Variants in VWA8 observed in about 807,000 individuals in gnomAD.
VWA8 encodes von Willebrand factor A domain containing 8.
Under a neutral mutation model 241.5 loss-of-function variants are expected in VWA8, and 221 were observed. The ratio of observed to expected loss-of-function variants is 0.91; its 90% CI spans 0.82 to 1.02. The LOEUF (loss-of-function observed/expected upper bound fraction) is 1.02. Ranked by LOEUF, VWA8 falls within the 50% of genes least tolerant of loss-of-function variation. VWA8 has a pLI of 0.00. For synonymous variants in VWA8, 852 were observed against 827.1 expected, an observed-to-expected ratio of 1.03 and a Z score of -0.52; for missense variants, 2,322 against 2,328.7, an observed-to-expected ratio of 1.00 and a Z score of 0.06.
At chr13:41,624,900 T>C (rs573760228) in intron 37 of VWA8, among the ~76,000 whole-genome samples, 1 of 152,216 alleles carries the variant, frequency 6.6e-6, no homozygotes, top group African/African-American at 2.4e-5. Context: ...TCCAATGATA[T>C]GATTCTATAC....
intron 21 of VWA8, among the ~76,000 whole-genome samples, chr13:41,740,667 C>T (rs1007949003): frequency 3.9e-5 from 6 of 152,198 alleles, no homozygotes; most frequent in African/African-American, 1.4e-4. Context: ...CATTTTCTGA[C>T]TCCTGCTGGT....
intron 17 of VWA8, among the ~76,000 whole-genome samples, chr13:41,798,751 CT>C (rs1328834129): frequency 6.6e-6 from 1 of 152,116 alleles, no homozygotes; most frequent in Non-Finnish European, 1.5e-5. Context: ...TTATTCTCTC[CT>C]CTTAAATTCC....
chr13:41,778,966 C>A (rs1179304428), intron 19 of VWA8, among the ~76,000 whole-genome samples: 7 of 149,748 alleles, frequency 4.7e-5, no homozygotes, highest in Non-Finnish European at 1.0e-4. Context: ...CTCAGCCTCC[C>A]GAGTAGCTGG....
intron 2 of VWA8, among the ~76,000 whole-genome samples, chr13:41,934,264 G>A (rs1406791451): frequency 6.6e-6 from 1 of 151,872 alleles, no homozygotes; most frequent in African/African-American, 2.4e-5. Flanking sequence ...AAATCACTGT[G>A]AGATACTACT....
At chr13:41,572,665 G>A (rs1002498700) in intron 43 of VWA8, among the ~76,000 whole-genome samples, 3 of 151,816 alleles carry the variant, frequency 2.0e-5, no homozygotes, top group Non-Finnish European at 2.9e-5. Flanking sequence ...GAGGAAGGCC[G>A]CAGGGTCCTC....
intron 21 of VWA8, among the ~76,000 whole-genome samples, chr13:41,746,542 G>C (rs1000163198): frequency 2.0e-5 from 3 of 152,132 alleles, no homozygotes. Context: ...TACCCAGCTG[G>C]GGAGGAACAT....
intron 43 of VWA8, 95 bp downstream of exon 43, chr13:41,575,645 T>G: frequency 1.2e-6 from 1 of 844,524 alleles, no homozygotes; most frequent in Non-Finnish European, 1.8e-6. Flanking sequence ...GTCTTTTTCT[T>G]TCCTGTGTAT....
At chr13:41,634,160 C>A (rs1024942241) in intron 37 of VWA8, among the ~76,000 whole-genome samples, 1 of 152,128 alleles carries the variant, frequency 6.6e-6, no homozygotes, top group East Asian at 1.9e-4. Flanking sequence ...GAGAACACTA[C>A]GTGAAGAGAC....
intron 21 of VWA8, among the ~76,000 whole-genome samples, chr13:41,754,606 C>G: frequency 6.6e-6 from 1 of 152,028 alleles, no homozygotes; most frequent in East Asian, 1.9e-4. Flanking sequence ...ACAAACTATC[C>G]AATTATACTC....
intron 12 of VWA8, among the ~76,000 whole-genome samples, chr13:41,839,466 T>C (rs1218873582): frequency 2.6e-5 from 4 of 152,210 alleles, no homozygotes; most frequent in Non-Finnish European, 5.9e-5. Context: ...GATAGTTTCT[T>C]TTGCTGTGCA....
intron 37 of VWA8, among the ~76,000 whole-genome samples, chr13:41,637,306 C>T (rs1304919484): frequency 2.0e-5 from 3 of 150,222 alleles, no homozygotes; most frequent in Non-Finnish European, 4.4e-5. Flanking sequence ...AGCAAACCAT[C>T]GCAAGGACAA....
At chr13:41,826,264 G>C (rs908484341) in intron 14 of VWA8, among the ~76,000 whole-genome samples, 1 of 152,110 alleles carries the variant, frequency 6.6e-6, no homozygotes, top group African/African-American at 2.4e-5. Flanking sequence ...TACAGATAAG[G>C]AAAGGGATTA....
chr13:41,650,032 C>T (rs898875509), intron 37 of VWA8, among the ~76,000 whole-genome samples: 1 of 152,126 alleles, frequency 6.6e-6, no homozygotes, highest in African/African-American at 2.4e-5. Flanking sequence ...TATACATACT[C>T]AACAAGTTTT....
intron 4 of VWA8, among the ~76,000 whole-genome samples, chr13:41,894,322 A>C (rs536275394): frequency 3.6e-4 from 55 of 152,368 alleles, no homozygotes; most frequent in African/African-American, 1.3e-3. Context: ...ACAGAAGCTA[A>C]ATACACAAGG....
At chr13:41,569,123 C>T (rs17594404) in intron 44 of VWA8, among the ~76,000 whole-genome samples, 3,020 of 151,234 alleles carry the variant, frequency 0.02, 67 homozygotes, top group East Asian at 0.1. Context: ...AAAATTCAAC[C>T]ATCCTGTGTA....
chr13:41,763,389 C>T (rs1220660482), intron 20 of VWA8, among the ~76,000 whole-genome samples: 2 of 152,046 alleles, frequency 1.3e-5, no homozygotes, highest in Non-Finnish European at 2.9e-5. Context: ...ATTTCGCCTA[C>T]AAAAGATTTA....
chr13:41,680,627 G>A (rs555155386), intron 35 of VWA8, among the ~76,000 whole-genome samples: 1 of 152,264 alleles, frequency 6.6e-6, no homozygotes, highest in African/African-American at 2.4e-5. Flanking sequence ...CTAAAAGTCA[G>A]AAAAAGGTAA....
intron 20 of VWA8, among the ~76,000 whole-genome samples, chr13:41,764,225 G>A (rs557349761): frequency 1.3e-5 from 2 of 152,108 alleles, no homozygotes; most frequent in Middle Eastern, 3.4e-3. Context: ...TCTGCAAAAC[G>A]TCATTAGGAT....
intron 19 of VWA8, among the ~76,000 whole-genome samples, chr13:41,778,976 G>T (rs1178794721): frequency 2.7e-5 from 4 of 149,886 alleles, no homozygotes; most frequent in Non-Finnish European, 5.9e-5. Context: ...CGAGTAGCTG[G>T]GACTACAGGT....
Sources: allele counts gnomAD v4.1 joint callset (sites outside exome capture counted in the v4.1 genomes callset), GRCh38; gene constraint gnomAD v4.1.1; transcripts MANE v1.5; gene names NCBI Gene and HGNC (gene_info 2026-07-23, HGNC 2026-07-21).